Variants in SH3BP2 observed in about 807,000 individuals in gnomAD.
SH3BP2 encodes the protein SH3 domain-binding protein 2.
SH3BP2 carries 38 observed loss-of-function variants against 56.2 expected under a neutral mutation model. The ratio of observed to expected loss-of-function variants is 0.68; its 90% CI spans 0.52 to 0.89. The LOEUF (loss-of-function observed/expected upper bound fraction) is 0.89, where lower values mean the gene tolerates loss of function less well. Among genes scored for constraint, SH3BP2 ranks in the 40% least tolerant of loss-of-function variants. The pLI is 0.00. For missense variants in SH3BP2, 748 were observed against 762.6 expected, an observed-to-expected ratio of 0.98 and a Z score of 0.23; for synonymous variants, 346 against 316.7, an observed-to-expected ratio of 1.09 and a Z score of -0.98.
At chr4:2,818,700 G>A (rs1443395047) in intron 1 of SH3BP2, 3 of 999,482 alleles carry the variant, frequency 3.0e-6, no homozygotes, top group Admixed American at 6.0e-5. Context: ...GGGTGTGGCG[G>A]CGCCTTTGTT....
At chr4:2,804,346 C>G (rs926681624) in intron 1 of SH3BP2, among the ~76,000 whole-genome samples, 1 of 152,178 alleles carries the variant, frequency 6.6e-6, no homozygotes, top group African/African-American at 2.4e-5. Context: ...CTTCTTTGCC[C>G]GAGTTTTCTC....
At chr4:2,814,256 C>T (rs1448803959) in intron 1 of SH3BP2, among the ~76,000 whole-genome samples, 2 of 152,206 alleles carry the variant, frequency 1.3e-5, no homozygotes, top group African/African-American at 4.8e-5. Context: ...CCACACACGC[C>T]ACAGGGCTCA....
rs1317170986 is a variant in SH3BP2, at chr4:2,829,939, C to G, written c.1033C>G (p.Pro345Ala). The G allele has an allele frequency of 6.2e-7, 1 of 1,613,548 alleles. No individual in the cohort carries two copies. The highest frequency in any genetic ancestry group is 2.2e-5 in the East Asian group (1 of 44,880). ...KSFHLSPRGP[P>A]TSEPPPVPAN... ...CTTCCACCTGTCCCCCCGAGGACCACCCACATCTGAGCCCCCACCTGTGCC... is the reference window on the plus strand; with the variant it reads ...CTTCCACCTGTCCCCCCGAGGACCAGCCACATCTGAGCCCCCACCTGTGCC... Residue 345 changes from proline to alanine, a missense_variant, in exon 8 of 13, where the codon CCC (proline) becomes GCC (alanine). Pro to Ala is a conservative substitution (Grantham distance 27). This residue lies in a region of SH3BP2 where 635 missense variants were observed against 615.0 expected (regional missense o/e 1.03). Coordinates refer to ENST00000503393, the MANE Select transcript of SH3BP2 (RefSeq NM_001122681.2). The surrounding 1 kb of genome is among the most constrained non-coding windows in gnomAD (Gnocchi z 4.9).
intron 1 of SH3BP2, among the ~76,000 whole-genome samples, chr4:2,800,471 G>A (rs758994955): frequency 6.6e-6 from 1 of 152,170 alleles, no homozygotes; most frequent in Non-Finnish European, 1.5e-5. Context: ...AGACACCGGC[G>A]GGCTTGCTTA....
At chr4:2,816,876 G>A (rs1271653997) in intron 1 of SH3BP2, among the ~76,000 whole-genome samples, 1 of 152,214 alleles carries the variant, frequency 6.6e-6, no homozygotes, top group East Asian at 1.9e-4. Flanking sequence ...ACCCATAAGG[G>A]ATATTGGTTT....
At position 2,829,723 on chromosome 4, in the gene SH3BP2, ACC is replaced by A. The variant is rs776466609; in HGVS notation, c.822_823del (p.Arg275LysfsTer57). On this transcript the variant is annotated frameshift_variant, in exon 8 of 13. Transcript: ENST00000503393. LOFTEE classifies it high-confidence loss of function. The surrounding 1 kb of genome is among the most constrained non-coding windows in gnomAD (Gnocchi z 4.9). ...TGAGCCTTGCCCCAGGGTACCTGCT[ACC>A]CCCCGAAGGATGAGCGATCCCCCTC... Reference protein sequence around the residue: ...RAEPCPRVPATPRRMSDPPLS... With the variant: ...RAEPCPRVPAXPRRMSDPPLS... 6.2e-7 allele frequency: 1 copy of A among 1,611,576 alleles called. No individual in the cohort carries two copies. Among genetic ancestry groups the A allele is most frequent in the Non-Finnish European group, 8.5e-7 (1 of 1,179,462 alleles).
rs1282020576 is a variant in SH3BP2, at chr4:2,837,766, C to T, written c.*3932C>T. ...CACACACCCCCTGCCTTATCTCTGC[C>T]TGCACGCCCTGTTCCCTCCACCTAG... On this transcript the variant is annotated 3_prime_UTR_variant, in exon 13 of 13. Transcript: ENST00000503393. 6.6e-6 allele frequency: 1 copy of T among 152,460 alleles called. No individual in the cohort carries two copies. Among genetic ancestry groups the T allele is most frequent in the Non-Finnish European group, 1.5e-5 (1 of 68,222 alleles). 9.4% of individuals were successfully genotyped at this position (152,460 alleles called of 1,614,324 possible). A position where few individuals can be genotyped will look rare whatever the true frequency, so the allele number is the denominator to read the frequency against.
chr4:2,837,140 A>G lies in SH3BP2; in HGVS notation c.*3306A>G, dbSNP rs1321134495. Reference sequence around the variant, plus strand: ...GGCTCAATGCAAATCTCCAGGGTTCAATCGATTCTCCTGCCTCACCCTCCC... The same window carrying G: ...GGCTCAATGCAAATCTCCAGGGTTCGATCGATTCTCCTGCCTCACCCTCCC... On this transcript the variant is annotated 3_prime_UTR_variant, in exon 13 of 13. Transcript: ENST00000503393. 3 of 152,014 alleles carry G rather than the reference A, an allele frequency of 2.0e-5. No individual in the cohort carries two copies. Among genetic ancestry groups the G allele is most frequent in the Non-Finnish European group, 4.4e-5 (3 of 68,002 alleles). 9.4% of individuals were successfully genotyped at this position (152,014 alleles called of 1,614,324 possible).
intron 1 of SH3BP2, among the ~76,000 whole-genome samples, chr4:2,797,484 C>T (rs545973033): frequency 3.3e-5 from 5 of 152,332 alleles, no homozygotes; most frequent in South Asian, 2.1e-4. Flanking sequence ...AGGGCAGGAC[C>T]GCTGGCAGGT....
intron 3 of SH3BP2, among the ~76,000 whole-genome samples, chr4:2,824,076 G>T (rs1724457296): frequency 6.6e-6 from 1 of 152,220 alleles, no homozygotes; most frequent in Non-Finnish European, 1.5e-5. Context: ...GAGGAGTTTT[G>T]GCCAGGCTCT....
Position 2,833,858 on chromosome 4 carries a change from C to G in SH3BP2, c.*24C>G. ...GATGGCAGTCCATGTGGCTGCCAGG[C>G]CAAGGCAGTCACAGGGGCCCTGACC... On this transcript the variant is annotated 3_prime_UTR_variant, in exon 13 of 13. Coordinates refer to ENST00000503393, the MANE Select transcript of SH3BP2 (RefSeq NM_001122681.2). 1 of 1,544,714 alleles carries G rather than the reference C, an allele frequency of 6.5e-7. No individual in the cohort carries two copies. Among genetic ancestry groups the G allele is most frequent in the South Asian group, 1.2e-5 (1 of 84,766 alleles).
intron 2 of SH3BP2, 105 bp from the exon 3 acceptor site, chr4:2,822,830 A>T: frequency 1.2e-6 from 1 of 824,236 alleles, no homozygotes. Flanking sequence ...GGTAAGGCTT[A>T]GAGGCAGGAG....
chr4:2,833,137 G>A lies in SH3BP2; in HGVS notation c.1548+88G>A, dbSNP rs553886532. 68 of 1,228,060 alleles carry A rather than the reference G, an allele frequency of 5.5e-5. 1 individual carries two copies. The highest frequency in any genetic ancestry group is 3.8e-4 in the Middle Eastern group (2 of 5,202). The allele number at this position is 1,228,060 out of a possible 1,614,324, so 76.1% of individuals were successfully genotyped here. A position where few individuals can be genotyped will look rare whatever the true frequency, so the allele number is the denominator to read the frequency against. ...ATCTCCCTGATGAGGCATAGGCAGC[G>A]GGTAGACTGAGACTGGCACCTCCAG... On this transcript the variant is annotated intron_variant, in intron 12 of 12. Coordinates refer to ENST00000503393, the MANE Select transcript of SH3BP2 (RefSeq NM_001122681.2).
chr4:2,824,987 A>G, intron 4 of SH3BP2, 139 bp from the exon 5 acceptor site: 1 of 811,394 alleles, frequency 1.2e-6, no homozygotes, highest in Non-Finnish European at 2.1e-6. Context: ...GGGGAGCCAC[A>G]CAGCCATGTT....
At chr4:2,821,976 T>G (rs147576643) in intron 2 of SH3BP2, among the ~76,000 whole-genome samples, 3,511 of 152,304 alleles carry the variant, frequency 0.023, 80 homozygotes, top group Admixed American at 0.05. Flanking sequence ...CCAGCAATTC[T>G]CCTGCCTCAG....
Position 2,839,450 on chromosome 4 carries a change from G to A in SH3BP2, c.*5616G>A, listed in dbSNP as rs745918134. The stretch of plus-strand genomic sequence containing the variant: ...CTCCCAAAGTTGGGATTATAGGCGT[G>A]AGCTACCAGATTTTTTCTTATTAAT... On this transcript the variant is annotated 3_prime_UTR_variant, in exon 13 of 13. Transcript: ENST00000503393. 2 of 152,168 alleles carry A rather than the reference G, an allele frequency of 1.3e-5. No homozygotes were observed. Among genetic ancestry groups the A allele is most frequent in the Non-Finnish European group, 2.9e-5 (2 of 68,032 alleles). The allele number at this position is 152,168 out of a possible 1,614,324, so 9.4% of individuals were successfully genotyped here.
chr4:2,797,664 A>G (rs372980071), intron 1 of SH3BP2, among the ~76,000 whole-genome samples: 1 of 152,112 alleles, frequency 6.6e-6, no homozygotes, highest in Non-Finnish European at 1.5e-5. Flanking sequence ...AGCCTGGTCT[A>G]TGGCCACCAT....
intron 1 of SH3BP2, 98 bp from the exon 2 acceptor site, chr4:2,820,516 C>T: frequency 6.8e-7 from 1 of 1,472,336 alleles, no homozygotes. Flanking sequence ...ACCCTCCAAG[C>T]TGTGTCCTGG....
intron 1 of SH3BP2, among the ~76,000 whole-genome samples, chr4:2,801,972 T>C (rs919140066): frequency 6.6e-6 from 1 of 150,954 alleles, no homozygotes; most frequent in African/African-American, 2.4e-5. Flanking sequence ...GCCAGGCATG[T>C]TGGCGCATGC....
Sources: gnomAD v4.1 joint callset for allele counts (sites outside exome capture counted in the v4.1 genomes callset) on GRCh38, gnomAD v4.1.1 for gene constraint, gnomAD v4.1.1 regional missense constraint, Gnocchi (gnomAD v3.1) non-coding constraint, MANE v1.5 for transcripts, NCBI Gene and HGNC (gene_info 2026-07-23, HGNC 2026-07-21) for gene names.